Variants in NFXL1 observed in about 807,000 individuals in gnomAD.
NFXL1 encodes NF-X1-type zinc finger protein NFXL1.
NFXL1 carries 66 observed loss-of-function variants against 123.3 expected under a neutral mutation model. The observed-to-expected ratio is 0.54, with a 90% CI of 0.44 to 0.66. The LOEUF (loss-of-function observed/expected upper bound fraction) is 0.66, where lower values mean the gene tolerates loss of function less well. NFXL1 is among the 30% of genes least tolerant of loss of function. The pLI is 0.00. For synonymous variants in NFXL1, 346 were observed against 360.8 expected, an observed-to-expected ratio of 0.96 and a Z score of 0.46; for missense variants, 944 against 1,125.6, an observed-to-expected ratio of 0.84 and a Z score of 2.31.
intron 18 of NFXL1, among the ~76,000 whole-genome samples, chr4:47,865,783 G>C (rs1051304092): frequency 1.3e-5 from 2 of 152,120 alleles, no homozygotes; most frequent in African/African-American, 4.8e-5. Flanking sequence ...CGGAGGCCGA[G>C]GAAGGTGAAC....
At chr4:47,886,845 CGTT>C (rs1736463469) in intron 12 of NFXL1, among the ~76,000 whole-genome samples, 1 of 152,108 alleles carries the variant, frequency 6.6e-6, no homozygotes, top group African/African-American at 2.4e-5. Context: ...ACAATAATAT[CGTT>C]GGCCTACTTT....
At chr4:47,878,190 A>G (rs1437491284) in intron 17 of NFXL1, among the ~76,000 whole-genome samples, 1 of 152,074 alleles carries the variant, frequency 6.6e-6, no homozygotes, top group Admixed American at 6.6e-5. Flanking sequence ...ATGAACAGAG[A>G]GAAATGGAGG....
rs993776689 is a variant in NFXL1 at position 47,850,748 on chromosome 4, C to T, written c.2562+347G>A. Reference sequence around the variant, plus strand: ...TCAAATACTTTTAGTTAAGTAAAGTCATGGTCTCCAGAAGATGCCTTACAA... The same window carrying T: ...TCAAATACTTTTAGTTAAGTAAAGTTATGGTCTCCAGAAGATGCCTTACAA... On this transcript the variant is annotated intron_variant, in intron 22 of 22. Transcript: ENST00000507489. Among the ~76,000 whole-genome samples the T allele has an allele frequency of 3.9e-5, 6 of 152,018 alleles. No individual in the cohort carries two copies. The East Asian group carries it at 1.2e-3, about 29-fold the overall frequency.
intron 12 of NFXL1, among the ~76,000 whole-genome samples, chr4:47,890,412 G>A (rs1295186217): frequency 6.6e-6 from 1 of 152,138 alleles, no homozygotes; most frequent in African/African-American, 2.4e-5. Flanking sequence ...GTAAGTTACT[G>A]AACCCTCTTA....
rs543405992 is a variant in NFXL1, at chr4:47,899,021, T to A, written c.926A>T (p.Gln309Leu). The A allele has an allele frequency of 1.1e-5, 18 of 1,613,738 alleles. No homozygotes were observed. Among genetic ancestry groups the A allele is most frequent in the Non-Finnish European group, 1.3e-5 (15 of 1,179,994 alleles). Residue 309 changes from glutamine to leucine, a missense_variant, in exon 7 of 23, where the codon CAG becomes CTG. Around this residue, in one of 4 missense-constraint regions of NFXL1, gnomAD observed 296 missense variants for 395.1 expected, o/e 0.75. Transcript: ENST00000507489. Reference sequence around the variant, plus strand: ...AAGCAACTTCTGTCCACATGGCAGCTGACAAGACCATTCCTTGGCACTGCA... The same window carrying A: ...AAGCAACTTCTGTCCACATGGCAGCAGACAAGACCATTCCTTGGCACTGCA... ...RRCSAKEWSCQLPCGQKLLCG... is the reference protein window; with the variant it reads ...RRCSAKEWSCLLPCGQKLLCG...
At chr4:47,868,395 C>T (rs1367292069) in intron 18 of NFXL1, among the ~76,000 whole-genome samples, 3 of 149,598 alleles carry the variant, frequency 2.0e-5, no homozygotes, top group Admixed American at 1.3e-4. Flanking sequence ...GTCATATGTT[C>T]TGAAAAAGAA....
chr4:47,877,983 A>G (rs1735854491), intron 17 of NFXL1, among the ~76,000 whole-genome samples: 1 of 152,066 alleles, frequency 6.6e-6, no homozygotes, highest in Admixed American at 6.6e-5. Context: ...GAGATCTTTG[A>G]AAAGCTGAGT....
chr4:47,896,710 C>T, intron 9 of NFXL1, 63 bp from the exon 10 acceptor site: 1 of 1,183,028 alleles, frequency 8.5e-7, no homozygotes, highest in Non-Finnish European at 1.2e-6. Context: ...CAACAAAGTG[C>T]CATGTTCTTC....
rs996584277 is a variant in NFXL1 at position 47,861,000 on chromosome 4, A to G, written c.2316+1846T>C. 2.0e-5 allele frequency among the ~76,000 whole-genome samples: 3 copies of G among 149,412 alleles called. No individual in the cohort carries two copies. The Admixed American group carries it at 2.0e-4, about 10-fold the overall frequency. ...CCCGAGTAGCTGGGATTATAGGCACATGCCACCACGTCAGGCTATTTTTTT... is the reference window on the plus strand; with the variant it reads ...CCCGAGTAGCTGGGATTATAGGCACGTGCCACCACGTCAGGCTATTTTTTT... On this transcript the variant is annotated intron_variant, in intron 19 of 22. Coordinates refer to ENST00000507489, the MANE Select transcript of NFXL1 (RefSeq NM_001278624.2).
chr4:47,882,680 G>C (rs1164121057), intron 15 of NFXL1, among the ~76,000 whole-genome samples: 1 of 151,828 alleles, frequency 6.6e-6, no homozygotes, highest in Non-Finnish European at 1.5e-5. Flanking sequence ...GTTCTTTTCA[G>C]ACTATATAAG....
chr4:47,859,212 T>C (rs769210347), intron 19 of NFXL1, among the ~76,000 whole-genome samples: 1 of 152,214 alleles, frequency 6.6e-6, no homozygotes. Flanking sequence ...CCAAATGGTT[T>C]ACCTACAAAC....
intron 3 of NFXL1, among the ~76,000 whole-genome samples, chr4:47,906,533 A>G (rs892511931): frequency 1.3e-5 from 2 of 152,154 alleles, no homozygotes; most frequent in African/African-American, 4.8e-5. Flanking sequence ...ACTATAAATT[A>G]TTATAAAATT....
chr4:47,877,077 C>T, intron 17 of NFXL1: 3 of 1,148,318 alleles, frequency 2.6e-6, no homozygotes, highest in Non-Finnish European at 3.5e-6. Context: ...ATTTAAATAA[C>T]ATGAGTAGAA....
chr4:47,851,888 TTG>T lies in NFXL1; in HGVS notation c.2474_2475del (p.Thr825AsnfsTer11). The T allele has an allele frequency of 6.2e-7, 1 of 1,610,962 alleles. No homozygotes were observed. Among genetic ancestry groups the T allele is most frequent in the Non-Finnish European group, 8.5e-7 (1 of 1,177,458 alleles). On this transcript the variant is annotated frameshift_variant, in exon 21 of 23. Coordinates refer to ENST00000507489, the MANE Select transcript of NFXL1 (RefSeq NM_001278624.2). LOFTEE classifies it high-confidence loss of function. Reference protein sequence around the residue: ...RENQVSIECDTTCKEMKRKAS... With the variant: ...RENQVSIECDXTCKEMKRKAS... ...GCTTTCCGCTTCATTTCCTTGCACG[TTG>T]TGTCACATTCTATTGAAACCTGATT...
At position 47,881,187 on chromosome 4, in the gene NFXL1, G is replaced by A. The variant is rs550441422; in HGVS notation, c.1917-2070C>T. Among the ~76,000 whole-genome samples, 25 of 152,140 alleles carry A rather than the reference G, an allele frequency of 1.6e-4. 1 individual carries two copies. In the South Asian group the frequency reaches 5.2e-3, roughly 32 times the overall value. On this transcript the variant is annotated intron_variant, in intron 15 of 22. Coordinates refer to ENST00000507489, the MANE Select transcript of NFXL1 (RefSeq NM_001278624.2). The stretch of plus-strand genomic sequence containing the variant: ...AATAATATATATTTTCAAATAGCTA[G>A]AAAAGAGGATACTGAATGTTCCCAA...
intron 6 of NFXL1, 98 bp downstream of exon 6, chr4:47,899,272 A>G: frequency 7.5e-7 from 1 of 1,324,804 alleles, no homozygotes. Context: ...CTCATGGCAA[A>G]CTAAACTGTG....
chr4:47,848,057 T>C lies in NFXL1; in HGVS notation c.*106A>G. Reference sequence around the variant, plus strand: ...AACAACAGCTGAGAGAATACAGAGATGAATGTAAATATATATCATGTTCTA... The same window carrying C: ...AACAACAGCTGAGAGAATACAGAGACGAATGTAAATATATATCATGTTCTA... On this transcript the variant is annotated 3_prime_UTR_variant, in exon 23 of 23. Coordinates refer to ENST00000507489, the MANE Select transcript of NFXL1 (RefSeq NM_001278624.2). 1 of 675,388 alleles carries C rather than the reference T, an allele frequency of 1.5e-6. No homozygotes were observed. Among genetic ancestry groups the C allele is most frequent in the Non-Finnish European group, 2.4e-6 (1 of 417,260 alleles). The allele number at this position is 675,388 out of a possible 1,614,324, so 41.8% of individuals were successfully genotyped here.
chr4:47,851,762 T>G, intron 21 of NFXL1, 94 bp downstream of exon 21: 30 of 780,318 alleles, frequency 3.8e-5, no homozygotes, highest in Non-Finnish European at 5.4e-5. Flanking sequence ...AGCAAAAAAA[T>G]GAGATTTCAA....
In NFXL1 at chr4:47,890,699, C is replaced by T. The variant is rs1056543156; in HGVS notation, c.1457G>A (p.Cys486Tyr). The T allele has an allele frequency of 6.3e-7, 1 of 1,597,782 alleles. No individual in the cohort carries two copies. Among genetic ancestry groups the T allele is most frequent in the African/African-American group, 1.3e-5 (1 of 74,584 alleles). ...CQKHQCRRKC[C>Y]PGNCPPCDQN... ...ATCACAAGGTGGACAGTTTCCAGGG[C>T]AACACTGAAGAGAAAGCAATATATA... Residue 486 changes from cysteine (C) to tyrosine (Y), a missense_variant, in exon 12 of 23, where the codon TGC becomes TAC. Physicochemically the swap from Cys to Tyr is radical, Grantham distance 194. This residue lies in a region of NFXL1 where 296 missense variants were observed against 395.1 expected (regional missense o/e 0.75). Coordinates refer to ENST00000507489, the MANE Select transcript of NFXL1 (RefSeq NM_001278624.2).
Sources: gnomAD v4.1 joint callset for allele counts (sites outside exome capture counted in the v4.1 genomes callset) on GRCh38, gnomAD v4.1.1 for gene constraint, gnomAD v4.1.1 regional missense constraint, MANE v1.5 for transcripts, NCBI Gene and HGNC (gene_info 2026-07-23, HGNC 2026-07-21) for gene names.